The following BCAS3 variants were observed in gnomAD, a reference collection of about 807,000 sequenced individuals.
BCAS3 encodes BCAS4/BCAS3 fusion.
A neutral mutation model predicts 116.1 loss-of-function variants in BCAS3; 53 were observed. That is an observed-to-expected ratio of 0.46 (90% CI 0.37 to 0.57). The LOEUF is 0.57. Among genes scored for constraint, BCAS3 ranks in the 20% least tolerant of loss-of-function variants. BCAS3 has a pLI of 0.00. For synonymous variants in BCAS3, 391 were observed against 408.2 expected, an observed-to-expected ratio of 0.96 and a Z score of 0.51; for missense variants, 917 against 1,165.4, an observed-to-expected ratio of 0.79 and a Z score of 3.10.
intron 22 of BCAS3, among the ~76,000 whole-genome samples, chr17:61,212,115 G>A (rs751968166): frequency 5.9e-5 from 9 of 152,152 alleles, no homozygotes; most frequent in Non-Finnish European, 8.8e-5. Flanking sequence ...GAATATTCTG[G>A]TCTTTACAGA....
intron 7 of BCAS3, among the ~76,000 whole-genome samples, chr17:60,850,551 G>T (rs2053035771): frequency 1.3e-5 from 2 of 151,678 alleles, no homozygotes; most frequent in South Asian, 4.2e-4. Context: ...TAGAGATGGG[G>T]TTTCATCATA....
chr17:60,823,294 C>A (rs1009847579), intron 7 of BCAS3, among the ~76,000 whole-genome samples: 2 of 151,964 alleles, frequency 1.3e-5, no homozygotes, highest in Non-Finnish European at 2.9e-5. Flanking sequence ...GATTTTACAG[C>A]AAGGGAATCG....
chr17:60,701,781 G>A (rs2036426487), intron 4 of BCAS3, among the ~76,000 whole-genome samples: 1 of 144,514 alleles, frequency 6.9e-6, no homozygotes, highest in Non-Finnish European at 1.5e-5. Flanking sequence ...CCAATGTGGT[G>A]ACACTCCATC....
At chr17:60,936,043 GT>G (rs1228372780) in intron 13 of BCAS3, among the ~76,000 whole-genome samples, 1 of 144,232 alleles carries the variant, frequency 6.9e-6, no homozygotes, top group African/African-American at 2.6e-5. Flanking sequence ...GGTGTGTGAT[GT>G]TCCCCTTCCT....
At chr17:60,933,724 A>G (rs1002857300) in intron 13 of BCAS3, among the ~76,000 whole-genome samples, 1 of 152,212 alleles carries the variant, frequency 6.6e-6, no homozygotes, top group Admixed American at 6.5e-5. Flanking sequence ...AACATCTATA[A>G]TGCATCACAG....
rs966186482 is a variant in BCAS3, at chr17:60,919,675, T to TG, written c.994-4732_994-4731insG. ...ATAGGGGAAGGCTTTTTCCTGTGTG[T>TG]TTTTTTTTTTAAAATAATGACAAGG... On this transcript the variant is annotated intron_variant, in intron 12 of 23. Coordinates refer to ENST00000407086, the MANE Select transcript of BCAS3 (RefSeq NM_017679.5). 1.4e-4 allele frequency among the ~76,000 whole-genome samples: 20 copies of TG among 145,916 alleles called. No homozygotes were observed. The East Asian group carries it at 2.8e-3, about 20-fold the overall frequency.
At chr17:60,864,937 T>A (rs549475395) in intron 7 of BCAS3, among the ~76,000 whole-genome samples, 7 of 152,186 alleles carry the variant, frequency 4.6e-5, no homozygotes, top group South Asian at 2.1e-4. Context: ...TAGGTGGAGC[T>A]TTCAGAACAC....
At chr17:60,798,834 C>T (rs1166060453) in intron 6 of BCAS3, among the ~76,000 whole-genome samples, 2 of 152,200 alleles carry the variant, frequency 1.3e-5, no homozygotes, top group East Asian at 3.8e-4. Flanking sequence ...GCGTCCTCTT[C>T]AGTATTTGGT....
chr17:61,321,805 C>G (rs1464224155), intron 22 of BCAS3, among the ~76,000 whole-genome samples: 4 of 152,112 alleles, frequency 2.6e-5, no homozygotes, highest in Non-Finnish European at 4.4e-5. Flanking sequence ...TGGGGAGAAC[C>G]CTGGAGGGCT....
rs1345757521 is a variant in BCAS3 at position 61,378,518 on chromosome 17, C to G, written c.2593+10024C>G. The stretch of plus-strand genomic sequence containing the variant: ...TTGGAAAAGGGCCGGCCCTGGTGGT[C>G]CCTTCAGCCCCTCCCTCACCCATAC... On this transcript the variant is annotated intron_variant, in intron 23 of 23. Coordinates refer to ENST00000407086, the MANE Select transcript of BCAS3 (RefSeq NM_017679.5). The surrounding 1 kb of genome is among the most constrained non-coding windows in gnomAD (Gnocchi z 5.8). 1 of 152,266 alleles carries G rather than the reference C, an allele frequency of 6.6e-6. No homozygotes were observed. The highest frequency in any genetic ancestry group is 1.9e-4 in the East Asian group (1 of 5,190). The allele number at this position is 152,266 out of a possible 1,614,324, so 9.4% of individuals were successfully genotyped here.
intron 14 of BCAS3, among the ~76,000 whole-genome samples, chr17:60,978,557 T>A (rs2062577911): frequency 6.6e-6 from 1 of 150,950 alleles, no homozygotes; most frequent in Non-Finnish European, 1.5e-5. Context: ...TTTTGGTGTT[T>A]TAGACATGAA....
chr17:60,683,872 AC>A, intron 2 of BCAS3, 109 bp from the exon 3 acceptor site: 1 of 975,086 alleles, frequency 1.0e-6, no homozygotes. Flanking sequence ...ACCCCAAAAA[AC>A]AAACAACAAC....
At chr17:61,304,354 G>A (rs2053670560) in intron 22 of BCAS3, among the ~76,000 whole-genome samples, 2 of 152,190 alleles carry the variant, frequency 1.3e-5, no homozygotes, top group African/African-American at 2.4e-5. Flanking sequence ...CCTTTCCTTG[G>A]TCAGGCTTCT....
intron 6 of BCAS3, among the ~76,000 whole-genome samples, chr17:60,791,347 T>C (rs2046752396): frequency 6.6e-6 from 1 of 152,180 alleles, no homozygotes. Context: ...TAACATGGAT[T>C]GTTAATGTTA....
At position 61,309,848 on chromosome 17, in the gene BCAS3, A is replaced by G. The variant is rs2054158255; in HGVS notation, c.2426-58479A>G. 1.3e-5 allele frequency among the ~76,000 whole-genome samples: 2 copies of G among 152,224 alleles called. No individual in the cohort carries two copies. Among genetic ancestry groups the G allele is most frequent in the South Asian group, 2.1e-4 (1 of 4,832 alleles). ...CACCCTTGTGAGAAGAAGCCCATGA[A>G]GTCAAATGACAGCTTGTTTAAGGAA... is the stretch of plus-strand genomic sequence containing the variant. On this transcript the variant is annotated intron_variant, in intron 22 of 23. Coordinates refer to ENST00000407086, the MANE Select transcript of BCAS3 (RefSeq NM_017679.5). The surrounding 1 kb of genome is among the most constrained non-coding windows in gnomAD (Gnocchi z 4.6).
rs533987923 is a variant in BCAS3 at position 61,350,395 on chromosome 17, A to G, written c.2426-17932A>G. On this transcript the variant is annotated intron_variant, in intron 22 of 23. Transcript: ENST00000407086. Reference sequence around the variant, plus strand: ...GTGCCACTGCATTCCAGCCTGGGCGACAGAGCGAGACTCTGTCTCAATAAA... The same window carrying G: ...GTGCCACTGCATTCCAGCCTGGGCGGCAGAGCGAGACTCTGTCTCAATAAA... 8.0e-5 allele frequency among the ~76,000 whole-genome samples: 12 copies of G among 150,334 alleles called. No individual in the cohort carries two copies. In the East Asian group the frequency reaches 1.2e-3, roughly 15 times the overall value.
Position 61,347,009 on chromosome 17 carries a change from C to T in BCAS3, c.2426-21318C>T, listed in dbSNP as rs1694966847. On this transcript the variant is annotated intron_variant, in intron 22 of 23. Coordinates refer to ENST00000407086, the MANE Select transcript of BCAS3 (RefSeq NM_017679.5). This position sits in a 1 kb window ranked among gnomAD's most constrained non-coding sequence, Gnocchi z 4.3. ...ACCTCTCCCTGTGTCCTGTTTTGCC[C>T]CTTGGGGACACAGAAAAATTGATTC... Among the ~76,000 whole-genome samples, 1 of 152,164 alleles carries T rather than the reference C, an allele frequency of 6.6e-6. No homozygotes were observed. Among genetic ancestry groups the T allele is most frequent in the Admixed American group, 6.5e-5 (1 of 15,268 alleles).
Position 61,133,066 on chromosome 17 carries a change from A to G in BCAS3, c.2425+48502A>G, listed in dbSNP as rs200908566. 5.3e-5 allele frequency among the ~76,000 whole-genome samples: 8 copies of G among 152,326 alleles called. No individual in the cohort carries two copies. In the East Asian group the frequency reaches 1.2e-3, roughly 22 times the overall value. ...AGAAGCTGATAAAAAAGGTATAACC[A>G]TTAGTGGGAGAGCAGCATTTAAAAT... is the stretch of plus-strand genomic sequence containing the variant. On this transcript the variant is annotated intron_variant, in intron 22 of 23. Transcript: ENST00000407086.
In BCAS3 at chr17:61,243,151, C is replaced by T. The variant is rs2047662245; in HGVS notation, c.2426-125176C>T. On this transcript the variant is annotated intron_variant, in intron 22 of 23. Coordinates refer to ENST00000407086, the MANE Select transcript of BCAS3 (RefSeq NM_017679.5). The surrounding 1 kb of genome is among the most constrained non-coding windows in gnomAD (Gnocchi z 5.6). ...GGCCTCCATCTCCTGACCTCGTGAT[C>T]CGCCCGCCACGGCCTCCCAAAGTGC... is the stretch of plus-strand genomic sequence containing the variant. Among the ~76,000 whole-genome samples the T allele has an allele frequency of 6.6e-6, 1 of 152,144 alleles. No individual in the cohort carries two copies. The highest frequency in any genetic ancestry group is 2.4e-5 in the African/African-American group (1 of 41,434).
Sources: allele counts gnomAD v4.1 joint callset (sites outside exome capture counted in the v4.1 genomes callset), GRCh38; gene constraint gnomAD v4.1.1; non-coding constraint Gnocchi (gnomAD v3.1); transcripts MANE v1.5; gene names NCBI Gene and HGNC (gene_info 2026-07-23, HGNC 2026-07-21).